IL15: variants seen among roughly 807,000 people sequenced by gnomAD.
IL15 encodes the protein interleukin-15.
Under a neutral mutation model 19.6 loss-of-function variants are expected in IL15, and 11 were observed. That is an observed-to-expected ratio of 0.56 (90% CI 0.35 to 0.93). The LOEUF is 0.93. Among genes scored for constraint, IL15 ranks in the 40% least tolerant of loss-of-function variants. The probability of loss-of-function intolerance (pLI) is 0.01; values close to 1 mark genes in which losing one functional copy is unlikely to be tolerated. For synonymous variants in IL15, 58 were observed against 59.6 expected (o/e 0.97, Z 0.12); for missense variants, 197 against 186.5 (o/e 1.06, Z -0.33).
chr4:141,692,339 T>C (rs916042676), intron 2 of IL15, among the ~76,000 whole-genome samples: 20 of 152,356 alleles, frequency 1.3e-4, no homozygotes, highest in African/African-American at 4.8e-4. Flanking sequence ...TTTCCTGCAT[T>C]GTCTTGGCAA....
chr4:141,637,179 A>T (rs1726888949), intron 1 of IL15: 1 of 152,238 alleles, frequency 6.6e-6, no homozygotes, highest in Non-Finnish European at 1.5e-5. Context: ...CGCAGCCCTG[A>T]GGGCTGAGTT....
Position 141,729,849 on chromosome 4 carries a change from C to T in IL15, c.243C>T (p.Pro81=). Residue 81 remains proline (P), a splice_region_variant and synonymous_variant, in exon 7 of 8, where the codon CCC becomes CCT. Coordinates refer to ENST00000320650, the MANE Select transcript of IL15 (RefSeq NM_000585.5). ...ATLYTESDVH[P]SCKVTAMKCF... ...TTCTTTATAACTTTTATTTTTAGCC[C>T]AGTTGCAAAGTAACAGCAATGAAGT... The T allele has an allele frequency of 6.6e-7, 1 of 1,525,762 alleles. No individual in the cohort carries two copies. The highest frequency in any genetic ancestry group is 1.4e-5 in the African/African-American group (1 of 73,002). The allele number at this position is 1,525,762 out of a possible 1,614,324, so 94.5% of individuals were successfully genotyped here.
chr4:141,681,831 T>TTGTTGG (rs1288893007), intron 2 of IL15, among the ~76,000 whole-genome samples: 5 of 152,146 alleles, frequency 3.3e-5, no homozygotes, highest in African/African-American at 1.2e-4. Flanking sequence ...GACTAAGTGG[T>TTGTTGG]TGTTGGTGCA....
intron 2 of IL15, among the ~76,000 whole-genome samples, chr4:141,687,004 T>C (rs1728734563): frequency 6.6e-6 from 1 of 152,216 alleles, no homozygotes; most frequent in Non-Finnish European, 1.5e-5. Context: ...TTGTTGCTGG[T>C]TTAGGAAGTA....
intron 2 of IL15, among the ~76,000 whole-genome samples, chr4:141,677,353 A>G (rs1172238510): frequency 6.6e-6 from 1 of 152,338 alleles, no homozygotes; most frequent in Non-Finnish European, 1.5e-5. Context: ...TTTTCTTAAT[A>G]ACATTTTTTT....
chr4:141,713,110 A>G (rs1729763469), intron 2 of IL15, among the ~76,000 whole-genome samples: 1 of 152,176 alleles, frequency 6.6e-6, no homozygotes, highest in Non-Finnish European at 1.5e-5. Context: ...TTGATATTGA[A>G]TACAGATTAA....
intron 2 of IL15, among the ~76,000 whole-genome samples, chr4:141,663,019 TAA>T (rs1418235243): frequency 1.3e-5 from 2 of 152,054 alleles, no homozygotes; most frequent in Non-Finnish European, 2.9e-5. Context: ...AGCAACTCAT[TAA>T]AAAAGTAATC....
chr4:141,637,272 T>A (rs779918046), intron 1 of IL15: 1 of 152,356 alleles, frequency 6.6e-6, no homozygotes, highest in African/African-American at 2.4e-5. Context: ...AAACTCATTG[T>A]GGGCCGGTGC....
chr4:141,725,346 G>A (rs1730222281), intron 5 of IL15, among the ~76,000 whole-genome samples: 1 of 152,114 alleles, frequency 6.6e-6, no homozygotes, highest in Non-Finnish European at 1.5e-5. Context: ...GAGGTCATGA[G>A]GGCAGGTCCT....
intron 2 of IL15, among the ~76,000 whole-genome samples, chr4:141,658,993 G>A (rs1727699949): frequency 6.6e-6 from 1 of 151,596 alleles, no homozygotes; most frequent in African/African-American, 2.4e-5. Context: ...CTGAGTAGCT[G>A]GGACTACAGG....
intron 4 of IL15, chr4:141,721,425 C>T (rs934995199): frequency 1.4e-5 from 9 of 622,102 alleles, no homozygotes; most frequent in Non-Finnish European, 2.7e-5. Context: ...CTGCTGCAAG[C>T]ATAGTAAGAG....
intron 2 of IL15, among the ~76,000 whole-genome samples, chr4:141,710,876 A>C (rs1359308682): frequency 2.0e-5 from 3 of 152,100 alleles, no homozygotes; most frequent in African/African-American, 4.8e-5. Context: ...TAAAATAATC[A>C]TCAGAGTATG....
chr4:141,688,954 ATGTTCGGATG>A (rs1728801318), intron 2 of IL15: 1 of 150,874 alleles, frequency 6.6e-6, no homozygotes, highest in African/African-American at 2.5e-5. Context: ...GTTCCTTCTG[ATGTTCGGATG>A]TGTTCGGAGT....
intron 2 of IL15, among the ~76,000 whole-genome samples, chr4:141,689,891 G>A (rs1002771494): frequency 5.9e-5 from 9 of 152,222 alleles, no homozygotes; most frequent in Admixed American, 3.3e-4. Context: ...GATGGGACTG[G>A]GCGCCGTGGA....
At position 141,701,350 on chromosome 4, in the gene IL15, A is replaced by C. The variant is rs996908473; in HGVS notation, c.-99-18016A>C. Among the ~76,000 whole-genome samples, 3 of 151,416 alleles carry C rather than the reference A, an allele frequency of 2.0e-5. No homozygotes were observed. The South Asian group carries it at 6.3e-4, about 32-fold the overall frequency. The stretch of plus-strand genomic sequence containing the variant: ...TAATGTTTATATTTTATTTTAGCCT[A>C]ATTTAATTCTTGGTGCTTTTAGGGT... On this transcript the variant is annotated intron_variant, in intron 2 of 7. Coordinates refer to ENST00000320650, the MANE Select transcript of IL15 (RefSeq NM_000585.5).
chr4:141,683,662 CA>C (rs1728615983), intron 2 of IL15, among the ~76,000 whole-genome samples: 1 of 151,962 alleles, frequency 6.6e-6, no homozygotes, highest in Non-Finnish European at 1.5e-5. Context: ...GAACCTGGAA[CA>C]AGTCATGTAA....
intron 2 of IL15, among the ~76,000 whole-genome samples, chr4:141,690,470 T>A (rs968514721): frequency 6.6e-6 from 1 of 152,220 alleles, no homozygotes; most frequent in African/African-American, 2.4e-5. Flanking sequence ...TCATCCTAGA[T>A]TCTTTCTTCT....
chr4:141,654,379 C>G (rs964077072), intron 1 of IL15, among the ~76,000 whole-genome samples: 6 of 152,198 alleles, frequency 3.9e-5, no homozygotes, highest in African/African-American at 1.4e-4. Context: ...TCAGCTGGAA[C>G]AATGAATTTC....
chr4:141,699,193 A>G (rs1462215613), intron 2 of IL15, among the ~76,000 whole-genome samples: 1 of 152,118 alleles, frequency 6.6e-6, no homozygotes, highest in African/African-American at 2.4e-5. Flanking sequence ...CTGAGAAGAT[A>G]CTTGATATGA....
Sources: gnomAD v4.1 joint callset for allele counts (sites outside exome capture counted in the v4.1 genomes callset) on GRCh38, gnomAD v4.1.1 for gene constraint, MANE v1.5 for transcripts, NCBI Gene and HGNC (gene_info 2026-07-23, HGNC 2026-07-21) for gene names.